The following DRC11 variants were observed in gnomAD, a reference collection of about 807,000 sequenced individuals.
The protein encoded by DRC11 is dynein regulatory complex subunit 11, also known as IQ and AAA domain-containing protein 1.
At chr2:236,380,666 T>TGC in the DRC11 span, 1 of 1,501,076 alleles carries the variant, frequency 6.7e-7, no homozygotes, top group Non-Finnish European at 9.1e-7. This position sits in a 1 kb window ranked among gnomAD's most constrained non-coding sequence, Gnocchi z 4.9. Flanking sequence ...AACCAACAAT[T>TGC]TAGTCAAAAC....
At chr2:236,469,520 G>A in the DRC11 span, among the ~76,000 whole-genome samples, 1 of 152,216 alleles carries the variant, frequency 6.6e-6, no homozygotes, top group East Asian at 1.9e-4. The surrounding 1 kb of genome is among the most constrained non-coding windows in gnomAD (Gnocchi z 5.8). Context: ...CCATGTTAAT[G>A]AAGAATCCAG....
At chr2:236,409,002 C>T in the DRC11 span, 70 of 697,444 alleles carry the variant, frequency 1.0e-4, no homozygotes, top group African/African-American at 7.1e-4. Flanking sequence ...CACCTTCCCA[C>T]GATGCGTGCT....
the DRC11 span, chr2:236,497,411 C>T: frequency 1.2e-6 from 2 of 1,613,770 alleles, no homozygotes; most frequent in East Asian, 2.2e-5. This position sits in a 1 kb window ranked among gnomAD's most constrained non-coding sequence, Gnocchi z 5.1. Context: ...CTTTGTGGTT[C>T]AATCATCTTC....
chr2:236,467,789 T>C, the DRC11 span, among the ~76,000 whole-genome samples: 4 of 152,222 alleles, frequency 2.6e-5, no homozygotes, highest in African/African-American at 7.2e-5. Flanking sequence ...TTAGATCAAT[T>C]ACTTGGAAAA....
At chr2:236,338,406 G>A in the DRC11 span, 1 of 1,580,850 alleles carries the variant, frequency 6.3e-7, no homozygotes, top group South Asian at 1.2e-5. Context: ...AAAAAAATTG[G>A]TCCACATATA....
At chr2:236,426,595 C>T in the DRC11 span, among the ~76,000 whole-genome samples, 1 of 152,110 alleles carries the variant, frequency 6.6e-6, no homozygotes, top group South Asian at 2.1e-4. The surrounding 1 kb of genome is among the most constrained non-coding windows in gnomAD (Gnocchi z 4.1). Context: ...TCAATACAGA[C>T]AGGGTCTTGC....
the DRC11 span, chr2:236,331,389 T>A: frequency 6.2e-7 from 1 of 1,613,826 alleles, no homozygotes; most frequent in Non-Finnish European, 8.5e-7. This position sits in a 1 kb window ranked among gnomAD's most constrained non-coding sequence, Gnocchi z 4.8. Flanking sequence ...CTTTGTACAC[T>A]GGATTCATGC....
chr2:236,398,024 C>T, the DRC11 span, among the ~76,000 whole-genome samples: 4 of 152,210 alleles, frequency 2.6e-5, no homozygotes, highest in East Asian at 7.7e-4. The surrounding 1 kb of genome is among the most constrained non-coding windows in gnomAD (Gnocchi z 6.2). Context: ...TTGATGGATT[C>T]TTAAGCTTGG....
chr2:236,367,511 G>A, the DRC11 span: 11 of 151,726 alleles, frequency 7.2e-5, no homozygotes, highest in Non-Finnish European at 5.9e-5. The surrounding 1 kb of genome is among the most constrained non-coding windows in gnomAD (Gnocchi z 4.8). Context: ...CTATTTGAGA[G>A]TTGTTGTCAG....
At chr2:236,371,474 C>T in the DRC11 span, among the ~76,000 whole-genome samples, 1 of 152,072 alleles carries the variant, frequency 6.6e-6, no homozygotes, top group East Asian at 1.9e-4. This position sits in a 1 kb window ranked among gnomAD's most constrained non-coding sequence, Gnocchi z 5.1. Context: ...ATTCCCAAGC[C>T]CCCTGAGTTT....
At chr2:236,459,669 A>G in the DRC11 span, among the ~76,000 whole-genome samples, 3 of 147,000 alleles carry the variant, frequency 2.0e-5, no homozygotes, top group African/African-American at 7.5e-5. Flanking sequence ...ACATACGTAT[A>G]TACGTATATA....
chr2:236,478,558 A>G, the DRC11 span, among the ~76,000 whole-genome samples: 2,149 of 152,206 alleles, frequency 0.014, 56 homozygotes, highest in African/African-American at 0.049. This position sits in a 1 kb window ranked among gnomAD's most constrained non-coding sequence, Gnocchi z 5.9. Flanking sequence ...CATTTGGTCT[A>G]GTGTGTAGCT....
chr2:236,359,266 T>C, the DRC11 span, among the ~76,000 whole-genome samples: 27,047 of 151,954 alleles, frequency 0.18, 2,686 homozygotes, highest in Non-Finnish European at 0.23. This position sits in a 1 kb window ranked among gnomAD's most constrained non-coding sequence, Gnocchi z 4.3. Flanking sequence ...TACTTGTAGA[T>C]ACATTTCTTA....
At chr2:236,344,681 C>CACCTGAGAGGGAAGTGCA in the DRC11 span, 5 of 1,479,578 alleles carry the variant, frequency 3.4e-6, no homozygotes, top group Non-Finnish European at 3.8e-6. Flanking sequence ...TGTAAATGCA[C>CACCTGAGAGGGAAGTGCA]TTCCCTCTCA....
the DRC11 span, among the ~76,000 whole-genome samples, chr2:236,471,285 A>G: frequency 6.9e-6 from 1 of 144,356 alleles, no homozygotes; most frequent in Non-Finnish European, 1.6e-5. This position sits in a 1 kb window ranked among gnomAD's most constrained non-coding sequence, Gnocchi z 4.6. Context: ...GTTTCCTCTG[A>G]CTTAAAAAAA....
the DRC11 span, among the ~76,000 whole-genome samples, chr2:236,459,431 A>G: frequency 6.6e-6 from 1 of 151,418 alleles, no homozygotes; most frequent in East Asian, 1.9e-4. Flanking sequence ...CGAAATCTCA[A>G]TGTTAAATTT....
chr2:236,381,814 T>C, the DRC11 span, among the ~76,000 whole-genome samples: 1 of 152,204 alleles, frequency 6.6e-6, no homozygotes, highest in African/African-American at 2.4e-5. This position sits in a 1 kb window ranked among gnomAD's most constrained non-coding sequence, Gnocchi z 5.8. Flanking sequence ...ACTTCTGAGT[T>C]TTGAGAGTTC....
At chr2:236,351,523 C>T in the DRC11 span, among the ~76,000 whole-genome samples, 13 of 152,188 alleles carry the variant, frequency 8.5e-5, 1 homozygote, top group Admixed American at 7.2e-4. This position sits in a 1 kb window ranked among gnomAD's most constrained non-coding sequence, Gnocchi z 7.3. Flanking sequence ...CACGGCCATG[C>T]TACAGAGGTT....
At chr2:236,440,285 G>C in the DRC11 span, among the ~76,000 whole-genome samples, 1 of 152,154 alleles carries the variant, frequency 6.6e-6, no homozygotes, top group Non-Finnish European at 1.5e-5. Flanking sequence ...ATAGCGCAGG[G>C]CTTTAGAGGA....
Sources: allele counts gnomAD v4.1 joint callset (sites outside exome capture counted in the v4.1 genomes callset), GRCh38; gene constraint gnomAD v4.1.1; non-coding constraint Gnocchi (gnomAD v3.1); transcripts MANE v1.5; gene names NCBI Gene and HGNC (gene_info 2026-07-23, HGNC 2026-07-21).